ADK: variants seen among roughly 807,000 people sequenced by gnomAD.
ADK encodes the protein N6,N6-dimethyladenosine kinase.
ADK carries 24 observed loss-of-function variants against 44.7 expected under a neutral mutation model. The observed-to-expected ratio is 0.54, with a 90% CI of 0.39 to 0.76. The LOEUF (loss-of-function observed/expected upper bound fraction) is 0.76, where lower values mean the gene tolerates loss of function less well. Among genes scored for constraint, ADK ranks in the 30% least tolerant of loss-of-function variants. The pLI is 0.00. For synonymous variants in ADK, 128 were observed against 142.6 expected (o/e 0.90, Z 0.73); for missense variants, 321 against 425.1 (o/e 0.76, Z 2.15).
At chr10:74,197,148 T>A (rs569553117) in intron 1 of ADK, among the ~76,000 whole-genome samples, 1 of 152,324 alleles carries the variant, frequency 6.6e-6, no homozygotes, top group African/African-American at 2.4e-5. Flanking sequence ...TAGAGAAATA[T>A]ATTGTGCTGA....
intron 3 of ADK, among the ~76,000 whole-genome samples, chr10:74,305,474 C>A (rs1053437367): frequency 3.3e-5 from 5 of 152,200 alleles, no homozygotes; most frequent in Admixed American, 2.6e-4. Context: ...TTCTTCCTCC[C>A]TTACCCCCAC....
chr10:74,219,377 G>T (rs887801669), intron 2 of ADK, among the ~76,000 whole-genome samples: 6 of 152,086 alleles, frequency 3.9e-5, no homozygotes, highest in African/African-American at 1.4e-4. Context: ...AGCAAGTCCT[G>T]AGTGACCTAC....
intron 3 of ADK, among the ~76,000 whole-genome samples, chr10:74,252,167 A>C (rs1845675122): frequency 6.6e-6 from 1 of 152,130 alleles, no homozygotes; most frequent in African/African-American, 2.4e-5. Context: ...TGTGAGAGCT[A>C]TCTTGGAATT....
chr10:74,598,440 C>CTTTTTTTTTTTTTTTTTTTTTT lies in ADK; in HGVS notation c.763-1939_763-1938insTTTTTTTTTTTTTTTTTTTTTT, dbSNP rs367982701. On this transcript the variant is annotated intron_variant, in intron 8 of 10. Coordinates refer to ENST00000539909, the MANE Select transcript of ADK (RefSeq NM_006721.4). ...TAGAAAGCAACCATGGAATCTTATT[C>CTTTTTTTTTTTTTTTTTTTTTT]CTTTTTTTTTTTTTTTTTTTTTTTT... Among the ~76,000 whole-genome samples the CTTTTTTTTTTTTTTTTTTTTTT allele has an allele frequency of 7.0e-5, 8 of 114,072 alleles. 3 individuals are homozygous for CTTTTTTTTTTTTTTTTTTTTTT. The highest frequency in any genetic ancestry group is 7.1e-4 in the South Asian group (2 of 2,820). 74.8% of individuals were successfully genotyped at this position (114,072 alleles called of 152,430 possible).
chr10:74,259,378 T>G (rs998395874), intron 3 of ADK, among the ~76,000 whole-genome samples: 5 of 151,916 alleles, frequency 3.3e-5, no homozygotes, highest in Non-Finnish European at 7.4e-5. Context: ...CTTTGTTTTC[T>G]GTGATTGAGG....
chr10:74,649,125 A>G (rs1162042493), intron 9 of ADK, among the ~76,000 whole-genome samples: 1 of 152,108 alleles, frequency 6.6e-6, no homozygotes, highest in Admixed American at 6.5e-5. Context: ...GGGCAGGAGA[A>G]TCACTTGAAC....
intron 3 of ADK, among the ~76,000 whole-genome samples, chr10:74,266,918 A>T (rs778710921): frequency 6.6e-6 from 1 of 152,200 alleles, no homozygotes; most frequent in Non-Finnish European, 1.5e-5. Flanking sequence ...AATTCCACTG[A>T]ATTTTTTTGA....
chr10:74,376,032 TA>T (rs541778067), intron 4 of ADK, among the ~76,000 whole-genome samples: 32 of 149,464 alleles, frequency 2.1e-4, no homozygotes, highest in South Asian at 6.4e-4. Context: ...CATTTCCGTC[TA>T]AAAAAAAAAT....
chr10:74,333,639 T>A (rs1841303671), intron 4 of ADK, among the ~76,000 whole-genome samples: 1 of 152,188 alleles, frequency 6.6e-6, no homozygotes, highest in African/African-American at 2.4e-5. Context: ...TTGAGAGAGC[T>A]GAAAGGCAAC....
At chr10:74,624,394 C>G (rs375006680) in intron 9 of ADK, among the ~76,000 whole-genome samples, 1 of 151,744 alleles carries the variant, frequency 6.6e-6, no homozygotes, top group Non-Finnish European at 1.5e-5. Context: ...GTTTTTAAAG[C>G]CTTTCTGGTT....
chr10:74,501,507 C>T (rs1299859533), intron 6 of ADK, among the ~76,000 whole-genome samples: 1 of 152,160 alleles, frequency 6.6e-6, no homozygotes, highest in African/African-American at 2.4e-5. Flanking sequence ...TTCAGAATAT[C>T]CCTTTAAATC....
Position 74,465,584 on chromosome 10 carries a change from A to G in ADK, c.556-59672A>G, listed in dbSNP as rs552544015. Among the ~76,000 whole-genome samples, 45 of 152,344 alleles carry G rather than the reference A, an allele frequency of 3.0e-4. No homozygotes were observed. In the South Asian group the frequency reaches 8.9e-3, roughly 30 times the overall value. ...GGGAGATCACTTTGGAGGTCATTGC[A>G]ATAATCCAGTGGGAGATATGATGAC... On this transcript the variant is annotated intron_variant, in intron 6 of 10. Coordinates refer to ENST00000539909, the MANE Select transcript of ADK (RefSeq NM_006721.4).
chr10:74,401,954 G>A (rs1281775959), intron 6 of ADK, among the ~76,000 whole-genome samples: 3 of 152,150 alleles, frequency 2.0e-5, no homozygotes, highest in Non-Finnish European at 4.4e-5. Flanking sequence ...AAATCTCTCA[G>A]CATTTGCTTG....
intron 3 of ADK, among the ~76,000 whole-genome samples, chr10:74,287,807 T>C (rs1381677965): frequency 6.6e-6 from 1 of 151,650 alleles, no homozygotes; most frequent in Non-Finnish European, 1.5e-5. Flanking sequence ...CTGGGCAACA[T>C]GATGAAACTC....
At chr10:74,388,435 T>A (rs1843219232) in intron 4 of ADK, among the ~76,000 whole-genome samples, 1 of 152,230 alleles carries the variant, frequency 6.6e-6, no homozygotes, top group Non-Finnish European at 1.5e-5. Flanking sequence ...GCATTGAACT[T>A]ATGAATCAAT....
At chr10:74,249,342 G>A (rs1845556814) in intron 3 of ADK, among the ~76,000 whole-genome samples, 1 of 152,118 alleles carries the variant, frequency 6.6e-6, no homozygotes, top group Non-Finnish European at 1.5e-5. Context: ...ATGGATCATT[G>A]CAAAATATTT....
chr10:74,628,400 T>G (rs1853293928), intron 9 of ADK, among the ~76,000 whole-genome samples: 1 of 151,970 alleles, frequency 6.6e-6, no homozygotes, highest in African/African-American at 2.4e-5. Context: ...GGAAATTAGA[T>G]TAATGGTCCA....
intron 1 of ADK, among the ~76,000 whole-genome samples, chr10:74,200,419 G>T (rs1843334699): frequency 6.6e-6 from 1 of 151,150 alleles, no homozygotes; most frequent in Non-Finnish European, 1.5e-5. Context: ...GGGAGGTGGA[G>T]GTTGCAGTGA....
intron 4 of ADK, among the ~76,000 whole-genome samples, chr10:74,362,404 TA>T (rs1842364709): frequency 1.3e-5 from 2 of 152,068 alleles, no homozygotes; most frequent in South Asian, 2.1e-4. Flanking sequence ...TCTGGTTTTT[TA>T]AAAAAGTTAT....
Sources: allele counts gnomAD v4.1 joint callset (sites outside exome capture counted in the v4.1 genomes callset), GRCh38; gene constraint gnomAD v4.1.1; transcripts MANE v1.5; gene names NCBI Gene and HGNC (gene_info 2026-07-23, HGNC 2026-07-21).